WDR72: variants seen among roughly 807,000 people sequenced by gnomAD.
The protein encoded by WDR72 is WD repeat-containing protein 72.
In WDR72, 120 loss-of-function variants were observed where a neutral mutation model predicts 124.2. The ratio of observed to expected loss-of-function variants is 0.97; its 90% confidence interval spans 0.83 to 1.12. The LOEUF is 1.12. Ranked by LOEUF, WDR72 falls within the 50% of genes most tolerant of loss-of-function variation. The probability of loss-of-function intolerance (pLI) is 0.00; values close to 1 mark genes in which losing one functional copy is unlikely to be tolerated. For synonymous variants in WDR72, 452 were observed against 441.7 expected (o/e 1.02, Z -0.29); for missense variants, 1,387 against 1,278.8 (o/e 1.08, Z -1.29).
intron 19 of WDR72, 72 bp downstream of exon 19, chr15:53,523,145 AC>A: frequency 7.2e-7 from 1 of 1,385,766 alleles, no homozygotes. Flanking sequence ...CTCTCCCCTC[AC>A]CCCCTTCCAA....
intron 10 of WDR72, 99 bp from the exon 11 acceptor site, chr15:53,705,332 T>C (rs544231131): frequency 5.6e-6 from 6 of 1,075,870 alleles, no homozygotes; most frequent in South Asian, 1.3e-5. Context: ...ATGAATACAG[T>C]GTTACAGCCT....
intron 14 of WDR72, among the ~76,000 whole-genome samples, chr15:53,639,542 A>AATTTTATTTATTTATAAAATTATATATG: frequency 6.9e-6 from 1 of 145,762 alleles, no homozygotes; most frequent in South Asian, 2.1e-4. Context: ...AATTATATAT[A>AATTTTATTTATTTATAAAATTATATATG]ATTTTATTTA....
At chr15:53,647,373 C>G (rs944279255) in intron 14 of WDR72, among the ~76,000 whole-genome samples, 1 of 151,930 alleles carries the variant, frequency 6.6e-6, no homozygotes, top group East Asian at 1.9e-4. Flanking sequence ...ATACTGTTTA[C>G]AAAGAATTCA....
In WDR72 at chr15:53,710,939, CT is replaced by C. The variant is rs2017517231; in HGVS notation, c.871del (p.Ser291AlafsTer39). The C allele has an allele frequency of 6.2e-7, 1 of 1,613,650 alleles. No homozygotes were observed. Among genetic ancestry groups the C allele is most frequent in the Non-Finnish European group, 8.5e-7 (1 of 1,179,886 alleles). ...YQLLNSGLSK[S>X]IYPADGRVLK... The stretch of plus-strand genomic sequence containing the variant: ...CACTCTTCCATCAGCAGGGTATATG[CT>C]TTTTGAAAGCCCACTGCGTGGCAAA... On this transcript the variant is annotated frameshift_variant, in exon 9 of 20. Coordinates refer to ENST00000360509, the MANE Select transcript of WDR72 (RefSeq NM_182758.4). LOFTEE classifies it high-confidence loss of function.
intron 9 of WDR72, among the ~76,000 whole-genome samples, chr15:53,706,346 G>GTATATA (rs2017358723): frequency 3.1e-5 from 3 of 98,044 alleles, no homozygotes; most frequent in East Asian, 3.2e-4. Flanking sequence ...GTGTGTGTGT[G>GTATATA]TGTGTATATA....
intron 1 of WDR72, among the ~76,000 whole-genome samples, chr15:53,745,931 T>G (rs990469111): frequency 2.0e-5 from 3 of 152,172 alleles, no homozygotes; most frequent in African/African-American, 7.2e-5. Flanking sequence ...ATTGCAAAGA[T>G]GCCCTTGTCT....
chr15:53,603,546 T>C (rs559489717), intron 17 of WDR72, among the ~76,000 whole-genome samples: 197 of 152,156 alleles, frequency 1.3e-3, no homozygotes, highest in African/African-American at 4.6e-3. Context: ...GAAGTCAAAC[T>C]ACCCTTTTCG....
intron 18 of WDR72, among the ~76,000 whole-genome samples, chr15:53,596,182 A>G (rs112722688): frequency 6.0e-4 from 91 of 152,188 alleles, no homozygotes; most frequent in Non-Finnish European, 1.9e-4. Flanking sequence ...TAACAATTTA[A>G]CCACCTGTAA....
chr15:53,631,111 T>C (rs1472417445), intron 14 of WDR72, among the ~76,000 whole-genome samples: 3 of 152,164 alleles, frequency 2.0e-5, no homozygotes, highest in Non-Finnish European at 4.4e-5. Flanking sequence ...CTGGAGGTGG[T>C]GCCTGGTGAG....
chr15:53,565,499 C>T (rs141862867), intron 18 of WDR72, among the ~76,000 whole-genome samples: 9 of 152,066 alleles, frequency 5.9e-5, no homozygotes, highest in African/African-American at 1.9e-4. Flanking sequence ...ATTCTCCACA[C>T]TCCTGTTCCA....
chr15:53,532,643 G>C (rs1008279955), intron 18 of WDR72, among the ~76,000 whole-genome samples: 3 of 152,062 alleles, frequency 2.0e-5, no homozygotes, highest in East Asian at 1.9e-4. Flanking sequence ...AAGAAGGTTA[G>C]TGGGAAGCGG....
intron 1 of WDR72, among the ~76,000 whole-genome samples, chr15:53,740,174 C>G (rs545133802): frequency 6.6e-6 from 1 of 152,148 alleles, no homozygotes; most frequent in Non-Finnish European, 1.5e-5. Context: ...AAATTATCCG[C>G]TCTGCATTGA....
chr15:53,600,323 T>C (rs2012988146), intron 17 of WDR72, among the ~76,000 whole-genome samples: 1 of 152,180 alleles, frequency 6.6e-6, no homozygotes, highest in African/African-American at 2.4e-5. Flanking sequence ...AAAATGTTTA[T>C]ATGGCATTTT....
intron 18 of WDR72, among the ~76,000 whole-genome samples, chr15:53,585,482 G>A (rs1240060929): frequency 6.6e-6 from 1 of 151,882 alleles, no homozygotes; most frequent in Non-Finnish European, 1.5e-5. Context: ...ATTTGGGTGG[G>A]GACACAGAGT....
intron 18 of WDR72, among the ~76,000 whole-genome samples, chr15:53,576,460 T>C (rs973485016): frequency 2.0e-5 from 3 of 152,166 alleles, no homozygotes; most frequent in Admixed American, 6.5e-5. Flanking sequence ...GCCACTCCCA[T>C]TGCACTAAAG....
At chr15:53,599,638 T>C (rs982841301) in intron 17 of WDR72, among the ~76,000 whole-genome samples, 2 of 152,092 alleles carry the variant, frequency 1.3e-5, no homozygotes, top group Admixed American at 6.6e-5. Context: ...AATGGGTAGT[T>C]TGGCCATATG....
intron 8 of WDR72, 57 bp from the exon 9 acceptor site, chr15:53,711,010 T>C: frequency 1.4e-6 from 2 of 1,453,584 alleles, no homozygotes; most frequent in Non-Finnish European, 9.6e-7. Context: ...TATTCGTTTT[T>C]TTTCCCCCTC....
At position 53,609,596 on chromosome 15, in the gene WDR72, G is replaced by A. The variant is rs1419943724; in HGVS notation, c.2873-4C>T. 1.2e-6 allele frequency: 2 copies of A among 1,610,030 alleles called. No individual in the cohort carries two copies. The highest frequency in any genetic ancestry group is 1.7e-5 in the Admixed American group (1 of 59,894). On this transcript the variant is annotated splice_polypyrimidine_tract_variant and splice_region_variant and intron_variant, in intron 16 of 19. Coordinates refer to ENST00000360509, the MANE Select transcript of WDR72 (RefSeq NM_182758.4). The stretch of plus-strand genomic sequence containing the variant: ...GGTACATGGGATTCATTCTTACCTA[G>A]AAATATACAGAACACACTTGTATCT...
chr15:53,552,024 T>C (rs1365618218), intron 18 of WDR72, among the ~76,000 whole-genome samples: 1 of 152,172 alleles, frequency 6.6e-6, no homozygotes, highest in Non-Finnish European at 1.5e-5. Flanking sequence ...CTGCTGAGCA[T>C]ATTCAGGGAA....
Sources: allele counts gnomAD v4.1 joint callset (sites outside exome capture counted in the v4.1 genomes callset), GRCh38; gene constraint gnomAD v4.1.1; transcripts MANE v1.5; gene names NCBI Gene and HGNC (gene_info 2026-07-23, HGNC 2026-07-21).